Variants in CDH4 observed in about 807,000 individuals in gnomAD.
The protein encoded by CDH4 is cadherin-4.
Under a neutral mutation model 86.0 loss-of-function variants are expected in CDH4, and 33 were observed. That is an observed-to-expected ratio of 0.38 (90% CI 0.29 to 0.51). The LOEUF is 0.51. CDH4 is among the 20% of genes least tolerant of loss of function. The pLI is 0.86. For synonymous variants in CDH4, 555 were observed against 549.4 expected (o/e 1.01, Z -0.14); for missense variants, 1,114 against 1,307.4 (o/e 0.85, Z 2.28).
At chr20:61,880,575 G>A (rs902548008) in intron 7 of CDH4, among the ~76,000 whole-genome samples, 3 of 152,182 alleles carry the variant, frequency 2.0e-5, no homozygotes, top group Non-Finnish European at 4.4e-5. Flanking sequence ...CCGAAACAGA[G>A]GCCTCGGCTC....
At chr20:61,799,573 G>A (rs973423776) in intron 4 of CDH4, among the ~76,000 whole-genome samples, 5 of 152,142 alleles carry the variant, frequency 3.3e-5, no homozygotes, top group South Asian at 2.1e-4. Context: ...TCTCTCCCAC[G>A]TCTCAGGAGA....
At chr20:61,383,894 A>G (rs1334471083) in intron 2 of CDH4, among the ~76,000 whole-genome samples, 1 of 150,502 alleles carries the variant, frequency 6.6e-6, no homozygotes, top group Admixed American at 6.6e-5. Context: ...AATATGTATG[A>G]GTTTATTAAG....
chr20:61,681,301 A>G lies in CDH4; in HGVS notation c.170-62262A>G, dbSNP rs1041997790. ...TAGCTTTTTGCAAGGCTTGGTATGAATTTTCTCTTTTGTCCAAATCATACA... is the reference window on the plus strand; with the variant it reads ...TAGCTTTTTGCAAGGCTTGGTATGAGTTTTCTCTTTTGTCCAAATCATACA... On this transcript the variant is annotated intron_variant, in intron 2 of 15. Coordinates refer to ENST00000614565, the MANE Select transcript of CDH4 (RefSeq NM_001794.5). This position sits in a 1 kb window ranked among gnomAD's most constrained non-coding sequence, Gnocchi z 4.5. 6.6e-6 allele frequency among the ~76,000 whole-genome samples: 1 copy of G among 152,118 alleles called. No individual in the cohort carries two copies. The highest frequency in any genetic ancestry group is 2.4e-5 in the African/African-American group (1 of 41,412).
intron 2 of CDH4, among the ~76,000 whole-genome samples, chr20:61,405,697 A>ATTTT (rs543828715): frequency 6.9e-6 from 1 of 145,692 alleles, no homozygotes; most frequent in African/African-American, 2.5e-5. Flanking sequence ...TGTATCTATA[A>ATTTT]TTTTTTTTTT....
chr20:61,859,716 G>A (rs1162795070), intron 6 of CDH4, among the ~76,000 whole-genome samples: 4 of 152,262 alleles, frequency 2.6e-5, no homozygotes, highest in Non-Finnish European at 5.9e-5. Context: ...ACATTTGTGT[G>A]GGTCTGTTCC....
chr20:61,930,852 G>A (rs544966931), intron 13 of CDH4, among the ~76,000 whole-genome samples: 32 of 152,324 alleles, frequency 2.1e-4, no homozygotes, highest in African/African-American at 7.0e-4. Flanking sequence ...CATTCTCACC[G>A]ATGTCCCCTG....
At chr20:61,624,542 T>C (rs1199100744) in intron 2 of CDH4, among the ~76,000 whole-genome samples, 1 of 152,200 alleles carries the variant, frequency 6.6e-6, no homozygotes, top group Admixed American at 6.5e-5. Flanking sequence ...GTCCACCAAA[T>C]GGCCTCCAAG....
At chr20:61,476,261 C>T (rs1600702417) in intron 2 of CDH4, among the ~76,000 whole-genome samples, 1 of 152,204 alleles carries the variant, frequency 6.6e-6, no homozygotes, top group East Asian at 1.9e-4. Flanking sequence ...CTGAACTAAG[C>T]CCCTGGAAAG....
At chr20:61,295,877 C>T (rs1189187235) in intron 2 of CDH4, among the ~76,000 whole-genome samples, 2 of 152,214 alleles carry the variant, frequency 1.3e-5, no homozygotes, top group African/African-American at 4.8e-5. Context: ...AAGCAGCTGC[C>T]TCCCTCTCTG....
intron 6 of CDH4, among the ~76,000 whole-genome samples, chr20:61,859,267 T>A (rs932519462): frequency 2.6e-5 from 4 of 152,206 alleles, no homozygotes; most frequent in African/African-American, 9.7e-5. Context: ...TACTGTTGAG[T>A]TTTCGGAATT....
At chr20:61,741,827 C>G (rs763997111) in intron 2 of CDH4, among the ~76,000 whole-genome samples, 2 of 152,118 alleles carry the variant, frequency 1.3e-5, no homozygotes, top group Non-Finnish European at 2.9e-5. Flanking sequence ...CAGGAGCCAC[C>G]GCGCCCAGCC....
intron 4 of CDH4, among the ~76,000 whole-genome samples, chr20:61,792,538 A>G (rs1979257823): frequency 6.6e-6 from 1 of 152,214 alleles, no homozygotes; most frequent in Non-Finnish European, 1.5e-5. Context: ...AGGAAATCAA[A>G]TAAGGCCATT....
At chr20:61,824,974 G>A (rs1601026765) in intron 4 of CDH4, among the ~76,000 whole-genome samples, 2 of 152,252 alleles carry the variant, frequency 1.3e-5, no homozygotes, top group East Asian at 3.9e-4. Context: ...GGACCCCACG[G>A]CCACTTTCGT....
chr20:61,458,954 CTTT>C (rs201562406), intron 2 of CDH4, among the ~76,000 whole-genome samples: 3 of 142,982 alleles, frequency 2.1e-5, no homozygotes, highest in Non-Finnish European at 1.5e-5. Context: ...GCTATCCCCA[CTTT>C]TTTTTTTTTT....
chr20:61,404,879 T>C (rs2085072296), intron 2 of CDH4, among the ~76,000 whole-genome samples: 1 of 151,826 alleles, frequency 6.6e-6, no homozygotes, highest in Non-Finnish European at 1.5e-5. Context: ...TGAAACCCCG[T>C]CTCTACTAAA....
intron 2 of CDH4, among the ~76,000 whole-genome samples, chr20:61,373,162 C>T (rs1210424237): frequency 1.3e-5 from 2 of 152,172 alleles, no homozygotes; most frequent in Non-Finnish European, 1.5e-5. Flanking sequence ...TCTGTGTGGC[C>T]GACACTCCCG....
chr20:61,370,347 G>C (rs763979158), intron 2 of CDH4: 1 of 152,322 alleles, frequency 6.6e-6, no homozygotes, highest in African/African-American at 2.4e-5. Context: ...GATCCATGCA[G>C]AGGAGAGTGG....
chr20:61,562,564 G>A (rs6061282), intron 2 of CDH4, among the ~76,000 whole-genome samples: 40,561 of 152,090 alleles, frequency 0.27, 5,996 homozygotes, highest in African/African-American at 0.39. Context: ...GACTTGGTGC[G>A]TCCCTGCAGG....
At chr20:61,345,977 T>G (rs1356799650) in intron 2 of CDH4, among the ~76,000 whole-genome samples, 1 of 152,208 alleles carries the variant, frequency 6.6e-6, no homozygotes, top group Non-Finnish European at 1.5e-5. Flanking sequence ...CAGCACGTTC[T>G]CCCTTCCTCA....
Sources: gnomAD v4.1 joint callset for allele counts (sites outside exome capture counted in the v4.1 genomes callset) on GRCh38, gnomAD v4.1.1 for gene constraint, Gnocchi (gnomAD v3.1) non-coding constraint, MANE v1.5 for transcripts, NCBI Gene and HGNC (gene_info 2026-07-23, HGNC 2026-07-21) for gene names.